The following ZFP37 variants were observed in gnomAD, a reference collection of about 807,000 sequenced individuals.
ZFP37 encodes ZFP37 zinc finger protein.
Under a neutral mutation model 52.1 loss-of-function variants are expected in ZFP37, and 38 were observed. The ratio of observed to expected loss-of-function variants is 0.73; its 90% CI spans 0.56 to 0.96. The LOEUF (loss-of-function observed/expected upper bound fraction) is 0.96, where lower values mean the gene tolerates loss of function less well. Among genes scored for constraint, ZFP37 ranks in the 40% least tolerant of loss-of-function variants. ZFP37 has a pLI of 0.00. For missense variants in ZFP37, 695 were observed against 741.4 expected (o/e 0.94, Z 0.73); for synonymous variants, 253 against 259.5 (o/e 0.98, Z 0.24).
Position 113,042,981 on chromosome 9 carries a change from T to C in ZFP37, c.1637A>G (p.Glu546Gly). 6.2e-7 allele frequency: 1 copy of C among 1,613,958 alleles called. No individual in the cohort carries two copies. Among genetic ancestry groups the C allele is most frequent in the Non-Finnish European group, 8.5e-7 (1 of 1,179,942 alleles). The stretch of plus-strand genomic sequence containing the variant: ...AAAGGCTTTCCCACATTCATTACAC[T>C]CATACGGTTTCTCTCCAGTATGAAC... Reference protein sequence around the residue: ...QRVHTGEKPYECNECGKAFSQ... With the variant: ...QRVHTGEKPYGCNECGKAFSQ... The change falls in exon 4 of 4, where the codon GAG becomes GGG. Residue 546 changes from glutamate to glycine, a missense_variant. Glu to Gly is a moderately conservative substitution (Grantham distance 98, BLOSUM62 -2). Around this residue, in one of 2 missense-constraint regions of ZFP37, gnomAD observed 326 missense variants for 400.5 expected, o/e 0.81. Coordinates refer to ENST00000374227, the MANE Select transcript of ZFP37 (RefSeq NM_003408.3).
rs1021965797 is a variant in ZFP37 at position 113,042,612 on chromosome 9, T to C, written c.*113A>G. 3.5e-6 allele frequency: 3 copies of C among 867,472 alleles called. No homozygotes were observed. The highest frequency in any genetic ancestry group is 6.8e-5 in the Admixed American group (2 of 29,288). The allele number at this position is 867,472 out of a possible 1,614,324, so 53.7% of individuals were successfully genotyped here. On this transcript the variant is annotated 3_prime_UTR_variant, in exon 4 of 4. Coordinates refer to ENST00000374227, the MANE Select transcript of ZFP37 (RefSeq NM_003408.3). ...GAAGATCCATTTTCAAAGTTTCTCA[T>C]GTACAACAAGGTGTGACATCTTGCT...
At chr9:113,054,098 T>G (rs1055299504) in intron 1 of ZFP37, among the ~76,000 whole-genome samples, 1 of 152,204 alleles carries the variant, frequency 6.6e-6, no homozygotes, top group Non-Finnish European at 1.5e-5. Flanking sequence ...TAACAGGATA[T>G]TATCCCCTTA....
At chr9:113,049,247 A>G (rs372810740) in intron 3 of ZFP37, 115 bp downstream of exon 3, 17 of 1,171,394 alleles carry the variant, frequency 1.5e-5, no homozygotes, top group Middle Eastern at 2.2e-4. Flanking sequence ...TTCTTTCCTC[A>G]GGAAATCCTG....
rs1228962221 is a variant in ZFP37 at position 113,043,069 on chromosome 9, AG to A, written c.1548del (p.Phe517LeufsTer100). The A allele has an allele frequency of 6.2e-7, 1 of 1,613,620 alleles. No individual in the cohort carries two copies. The highest frequency in any genetic ancestry group is 8.5e-7 in the Non-Finnish European group (1 of 1,179,950). On this transcript the variant is annotated frameshift_variant, in exon 4 of 4. Coordinates refer to ENST00000374227, the MANE Select transcript of ZFP37 (RefSeq NM_003408.3). LOFTEE classifies it high-confidence loss of function. ...YHMRTHTGES[P>X]FECNQCGKGF... is the part of the protein sequence containing the mutation. ...CCTTTCCCACATTGATTACATTCAAAGGGACTTTCACCTGTATGAGTTCTCA... is the reference window on the plus strand; with the variant it reads ...CCTTTCCCACATTGATTACATTCAAAGGACTTTCACCTGTATGAGTTCTCA...
chr9:113,051,116 G>A (rs1263116099), intron 1 of ZFP37, among the ~76,000 whole-genome samples: 1 of 152,044 alleles, frequency 6.6e-6, no homozygotes, highest in Non-Finnish European at 1.5e-5. Context: ...TCAAAATTGG[G>A]AAAGACTTAA....
rs145452508 is a variant in ZFP37 at position 113,054,846 on chromosome 9, T to C, written c.132+1711A>G. 4.6e-5 allele frequency among the ~76,000 whole-genome samples: 7 copies of C among 152,348 alleles called. No homozygotes were observed. In the East Asian group the frequency reaches 1.2e-3, roughly 25 times the overall value. On this transcript the variant is annotated intron_variant, in intron 1 of 3. Coordinates refer to ENST00000374227, the MANE Select transcript of ZFP37 (RefSeq NM_003408.3). ...ATCACCATAATCTCTTGTCTTTGAC[T>C]ATTGCAAAAAGTTCCTAACTGACCT...
Position 113,049,735 on chromosome 9 carries a change from C to T in ZFP37, c.214+56G>A, listed in dbSNP as rs901810911. 4 of 1,588,184 alleles carry T rather than the reference C, an allele frequency of 2.5e-6. No homozygotes were observed. In the Admixed American group the frequency reaches 7.0e-5, roughly 28 times the overall value. ...ATGAAGGCCAAACTTATCAAGGACTCCAGAGAGAAGGTATCACAGTGGACA... is the reference window on the plus strand; with the variant it reads ...ATGAAGGCCAAACTTATCAAGGACTTCAGAGAGAAGGTATCACAGTGGACA... On this transcript the variant is annotated intron_variant, in intron 2 of 3. Coordinates refer to ENST00000374227, the MANE Select transcript of ZFP37 (RefSeq NM_003408.3).
intron 2 of ZFP37, 39 bp downstream of exon 2, chr9:113,049,752 C>G (rs2118707862): frequency 6.2e-7 from 1 of 1,606,046 alleles, no homozygotes; most frequent in Non-Finnish European, 8.5e-7. Flanking sequence ...GAAGGTATCA[C>G]AGTGGACACA....
chr9:113,044,347 CTG>C (rs901409525), intron 3 of ZFP37, 79 bp from the exon 4 acceptor site: 2 of 1,347,584 alleles, frequency 1.5e-6, no homozygotes, highest in African/African-American at 2.9e-5. Flanking sequence ...AAGAAATGAC[CTG>C]TTGTAGGGTT....
rs760934827 is a variant in ZFP37 at position 113,056,641 on chromosome 9, C to G, written c.48G>C (p.Val16=). The G allele has an allele frequency of 6.2e-7, 1 of 1,613,980 alleles. No individual in the cohort carries two copies. The highest frequency in any genetic ancestry group is 8.5e-7 in the Non-Finnish European group (1 of 1,179,994). Residue 16 remains valine, a synonymous_variant, in exon 1 of 4, where the codon GTG becomes GTC. Transcript: ENST00000374227. The part of the protein sequence containing the change: ...GVQILTKPET[V]DRRRSAETTK... ...TCGTTTCCGCACTTCTCCTCCGGTC[C>G]ACGGTCTCTGGCTTTGTCAGAATCT...
Position 113,039,769 on chromosome 9 carries a change from TTAATAA to T in ZFP37, c.*2950_*2955del, listed in dbSNP as rs1828816892. The T allele has an allele frequency of 6.6e-6, 1 of 152,186 alleles. No individual in the cohort carries two copies. Among genetic ancestry groups the T allele is most frequent in the African/African-American group, 2.4e-5 (1 of 41,440 alleles). The allele number at this position is 152,186 out of a possible 1,614,324, so 9.4% of individuals were successfully genotyped here. On this transcript the variant is annotated 3_prime_UTR_variant, in exon 4 of 4. Coordinates refer to ENST00000374227, the MANE Select transcript of ZFP37 (RefSeq NM_003408.3). The stretch of plus-strand genomic sequence containing the variant: ...TGAATAAATAAATGTTTCAAAACTG[TTAATAA>T]TAATTTACTTTTATGCCCCTTCATT...
chr9:113,049,433 C>G lies in ZFP37; in HGVS notation c.278G>C (p.Gly93Ala), dbSNP rs1317537135. The G allele has an allele frequency of 1.9e-6, 3 of 1,614,076 alleles. No individual in the cohort carries two copies. The highest frequency in any genetic ancestry group is 2.2e-5 in the South Asian group (2 of 91,078). Residue 93 changes from glycine (G) to alanine (A), a missense_variant, in exon 3 of 4, where the codon GGG (glycine) becomes GCG (alanine). Coordinates refer to ENST00000374227, the MANE Select transcript of ZFP37 (RefSeq NM_003408.3). ...KLEKGEAPWL[G>A]KGKRPSQGCP... ...ACCTTGACTGGGTCTTTTCCCCTTC[C>G]CCAACCATGGTGCTTCTCCTTTTTC...
intron 3 of ZFP37, among the ~76,000 whole-genome samples, chr9:113,049,078 G>A (rs946655524): frequency 1.3e-5 from 2 of 152,160 alleles, no homozygotes; most frequent in Non-Finnish European, 2.9e-5. Flanking sequence ...GCAAAACTGA[G>A]TGGAAATTGA....
At chr9:113,050,482 A>G (rs72756128) in intron 1 of ZFP37, among the ~76,000 whole-genome samples, 39,736 of 150,672 alleles carry the variant, frequency 0.26, 5,939 homozygotes, top group Non-Finnish European at 0.33. Flanking sequence ...AAAAAAAAAA[A>G]AAAAGAAAAA....
intron 1 of ZFP37, among the ~76,000 whole-genome samples, chr9:113,055,825 A>G (rs894037048): frequency 1.2e-4 from 19 of 152,204 alleles, no homozygotes; most frequent in African/African-American, 4.6e-4. Flanking sequence ...AGAATCATAG[A>G]GGATCTTCAA....
intron 1 of ZFP37, 82 bp downstream of exon 1, chr9:113,056,475 T>A: frequency 6.4e-7 from 1 of 1,560,570 alleles, no homozygotes; most frequent in Non-Finnish European, 8.7e-7. Flanking sequence ...AAATCACCTA[T>A]CGTCACAGAC....
intron 1 of ZFP37, among the ~76,000 whole-genome samples, chr9:113,055,462 G>A (rs2118724670): frequency 6.6e-6 from 1 of 152,130 alleles, no homozygotes; most frequent in South Asian, 2.1e-4. Context: ...TTGTTTCCTG[G>A]TGTGTCTCCA....
rs200826735 is a variant in ZFP37, at chr9:113,043,354, C to A, written c.1264G>T (p.Glu422Ter). ...KSFRYNSSLT[E>*]HVRTHTGEIP... is the part of the protein sequence containing the mutation. ...TCACCTGTATGTGTTCTCACATGTTCGGTAAGAGATGAGTTATACCTAAAA... is the reference window on the plus strand; with the variant it reads ...TCACCTGTATGTGTTCTCACATGTTAGGTAAGAGATGAGTTATACCTAAAA... Residue 422 changes from glutamate to a stop codon, truncating the protein, a stop_gained, in exon 4 of 4, where the codon GAA becomes TAA. Transcript: ENST00000374227. LOFTEE classifies it high-confidence loss of function. 6.2e-7 allele frequency: 1 copy of A among 1,613,962 alleles called. No individual in the cohort carries two copies. Among genetic ancestry groups the A allele is most frequent in the Admixed American group, 1.7e-5 (1 of 59,998 alleles).
chr9:113,042,729 T>C lies in ZFP37; in HGVS notation c.1889A>G (p.Glu630Gly). The change falls in exon 4 of 4, where the codon GAG (glutamate) becomes GGG (glycine). Residue 630 changes from glutamate (E) to glycine (G), a missense_variant. Physicochemically the swap from Glu to Gly is moderately conservative, Grantham distance 98. Transcript: ENST00000374227. ...AACAAATTTCCCACATTAACTTCAC[T>C]CATGAGATTTATCTTCTGAATGAGT... is the stretch of plus-strand genomic sequence containing the variant. Reference protein sequence around the residue: ...VKTHSEDKSHE With the variant: ...VKTHSEDKSHG 1 of 1,554,434 alleles carries C rather than the reference T, an allele frequency of 6.4e-7. No homozygotes were observed. The highest frequency in any genetic ancestry group is 8.7e-7 in the Non-Finnish European group (1 of 1,153,798).
Sources: gnomAD v4.1 joint callset for allele counts (sites outside exome capture counted in the v4.1 genomes callset) on GRCh38, gnomAD v4.1.1 for gene constraint, gnomAD v4.1.1 regional missense constraint, MANE v1.5 for transcripts, NCBI Gene and HGNC (gene_info 2026-07-23, HGNC 2026-07-21) for gene names.